AAGAB: variants seen among roughly 807,000 people sequenced by gnomAD.
AAGAB encodes alpha and gamma adaptin binding protein, also known as alpha- and gamma-adaptin-binding protein p34.
A neutral mutation model predicts 44.1 loss-of-function variants in AAGAB; 38 were observed. The observed-to-expected ratio is 0.86, with a 90% confidence interval of 0.67 to 1.13. The LOEUF is 1.13. Ranked by LOEUF, AAGAB falls within the 50% of genes most tolerant of loss-of-function variation. The pLI, the probability that AAGAB is intolerant of heterozygous loss-of-function variation, is 0.00. For missense variants in AAGAB, 450 were observed against 373.8 expected, an observed-to-expected ratio of 1.20 and a Z score of -1.68; for synonymous variants, 131 against 131.8, an observed-to-expected ratio of 0.99 and a Z score of 0.04.
chr15:67,228,013 T>C (rs1029968793), intron 5 of AAGAB, among the ~76,000 whole-genome samples: 10 of 152,224 alleles, frequency 6.6e-5, no homozygotes, highest in Non-Finnish European at 8.8e-5. Flanking sequence ...ATGTACCTCC[T>C]TGCTTTGCAG....
chr15:67,241,606 G>A (rs1055025018), intron 1 of AAGAB, among the ~76,000 whole-genome samples: 1 of 151,882 alleles, frequency 6.6e-6, no homozygotes, highest in Non-Finnish European at 1.5e-5. Flanking sequence ...TTGCATGCTG[G>A]CTCTCTGCAA....
chr15:67,254,509 C>T, intron 1 of AAGAB, 50 bp downstream of exon 1: 1 of 1,547,984 alleles, frequency 6.5e-7, no homozygotes. Context: ...GTCCGTCGCC[C>T]GCTGAGGCTC....
intron 5 of AAGAB, among the ~76,000 whole-genome samples, chr15:67,230,201 CTTG>C (rs948092936): frequency 2.0e-5 from 3 of 152,076 alleles, no homozygotes; most frequent in African/African-American, 7.2e-5. Flanking sequence ...ACTCAGCATA[CTTG>C]TTGAGGCAGC....
chr15:67,211,658 T>C (rs1763936703), intron 5 of AAGAB, among the ~76,000 whole-genome samples: 1 of 152,216 alleles, frequency 6.6e-6, no homozygotes, highest in South Asian at 2.1e-4. Flanking sequence ...AATAAACTAC[T>C]TCTGCAAGAG....
At chr15:67,253,512 G>C (rs755565929) in intron 1 of AAGAB, among the ~76,000 whole-genome samples, 1 of 151,974 alleles carries the variant, frequency 6.6e-6, no homozygotes, top group Non-Finnish European at 1.5e-5. Context: ...TCAGCACTTA[G>C]GGCGGCCAAG....
At chr15:67,254,279 G>T in intron 1 of AAGAB, 2 of 686,178 alleles carry the variant, frequency 2.9e-6, no homozygotes, top group Non-Finnish European at 4.2e-6. Flanking sequence ...TCATCTCAAC[G>T]GATCCTCGCA....
chr15:67,238,663 A>G (rs1462206747), intron 1 of AAGAB, among the ~76,000 whole-genome samples: 1 of 152,194 alleles, frequency 6.6e-6, no homozygotes, highest in East Asian at 1.9e-4. Context: ...TAACTTTTTA[A>G]TGGTGAAAGG....
chr15:67,202,992 T>C, intron 9 of AAGAB, 94 bp from the exon 10 acceptor site: 1 of 1,198,770 alleles, frequency 8.3e-7, no homozygotes, highest in Non-Finnish European at 1.2e-6. Flanking sequence ...CCTAAAATTC[T>C]GCACTTTGCC....
intron 5 of AAGAB, among the ~76,000 whole-genome samples, chr15:67,223,224 T>C (rs1473688434): frequency 6.6e-6 from 1 of 152,156 alleles, no homozygotes; most frequent in Non-Finnish European, 1.5e-5. Flanking sequence ...GGCTCAAGGT[T>C]TTAAATGCCT....
intron 1 of AAGAB, 140 bp downstream of exon 1, chr15:67,254,419 G>A (rs1965012280): frequency 6.9e-7 from 1 of 1,440,658 alleles, no homozygotes; most frequent in Non-Finnish European, 9.1e-7. Flanking sequence ...GCCACCTGGG[G>A]AGACTGGGCG....
rs368197105 is a variant in AAGAB at position 67,254,591 on chromosome 15, G to A, written c.41C>T (p.Ser14Phe). The A allele has an allele frequency of 4.3e-6, 7 of 1,609,668 alleles. No individual in the cohort carries two copies. In the East Asian group the frequency reaches 6.7e-5, roughly 15 times the overall value. Residue 14 changes from serine (S) to phenylalanine (F), a missense_variant, in exon 1 of 10, where the codon TCC (serine) becomes TTC (phenylalanine). Transcript: ENST00000261880. ...GVPCALVTSC[S>F]SVFSGDQLVQ... ...CAGCTGGTCTCCTGAGAAGACGGAGGAGCAGCTGGTGACTAACGCACAGGG... is the reference window on the plus strand; with the variant it reads ...CAGCTGGTCTCCTGAGAAGACGGAGAAGCAGCTGGTGACTAACGCACAGGG...
intron 5 of AAGAB, among the ~76,000 whole-genome samples, chr15:67,218,916 A>G (rs1221810074): frequency 6.6e-6 from 1 of 152,236 alleles, no homozygotes; most frequent in African/African-American, 2.4e-5. Context: ...AAAAGACGGT[A>G]TAGACAAGGA....
At chr15:67,228,420 C>T (rs116904239) in intron 5 of AAGAB, among the ~76,000 whole-genome samples, 75 of 152,222 alleles carry the variant, frequency 4.9e-4, no homozygotes, top group Middle Eastern at 3.4e-3. Context: ...AGAGAGATAA[C>T]CACATAAATG....
At chr15:67,225,500 A>G (rs1964182885) in intron 5 of AAGAB, among the ~76,000 whole-genome samples, 1 of 152,170 alleles carries the variant, frequency 6.6e-6, no homozygotes, top group African/African-American at 2.4e-5. Context: ...CATCATCACC[A>G]TTTAATTCCA....
intron 5 of AAGAB, among the ~76,000 whole-genome samples, chr15:67,219,761 T>G (rs1395247724): frequency 6.6e-6 from 1 of 152,204 alleles, no homozygotes; most frequent in Non-Finnish European, 1.5e-5. Context: ...ATAAAAATTT[T>G]TTTAAATGCA....
At chr15:67,246,598 G>A (rs575306419) in intron 1 of AAGAB, among the ~76,000 whole-genome samples, 1 of 152,116 alleles carries the variant, frequency 6.6e-6, no homozygotes, top group Non-Finnish European at 1.5e-5. Flanking sequence ...TTCCTGGGTC[G>A]AGTGGGGACT....
chr15:67,200,819 A>G lies in AAGAB; in HGVS notation c.*2002T>C, dbSNP rs1183731673. The stretch of plus-strand genomic sequence containing the variant: ...AGATTTCACTAGAGACCTTCATCCC[A>G]TATGTCCCTAGAAGAGGCCAATATC... On this transcript the variant is annotated 3_prime_UTR_variant, in exon 10 of 10. Transcript: ENST00000261880. Among the ~76,000 whole-genome samples the G allele has an allele frequency of 1.3e-5, 2 of 152,218 alleles. No individual in the cohort carries two copies. Among genetic ancestry groups the G allele is most frequent in the East Asian group, 1.9e-4 (1 of 5,204 alleles).
chr15:67,202,715 C>T lies in AAGAB; in HGVS notation c.*106G>A. On this transcript the variant is annotated 3_prime_UTR_variant, in exon 10 of 10. Coordinates refer to ENST00000261880, the MANE Select transcript of AAGAB (RefSeq NM_024666.5). ...AAGGGGACCCTATAAACAAGTCAGG[C>T]AGCCAACATGATAAGGGCAATTTTG... The T allele has an allele frequency of 9.9e-7, 1 of 1,005,190 alleles. No individual in the cohort carries two copies. Among genetic ancestry groups the T allele is most frequent in the Non-Finnish European group, 1.6e-6 (1 of 638,392 alleles). 62.3% of individuals were successfully genotyped at this position (1,005,190 alleles called of 1,614,324 possible).
chr15:67,236,097 A>C (rs906531780), intron 3 of AAGAB, 29 bp from the exon 4 acceptor site: 1 of 1,500,102 alleles, frequency 6.7e-7, no homozygotes, highest in African/African-American at 1.4e-5. Context: ...GAATCTTCAT[A>C]AGTAAAAAGA....
Sources: gnomAD v4.1 joint callset for allele counts (sites outside exome capture counted in the v4.1 genomes callset) on GRCh38, gnomAD v4.1.1 for gene constraint, MANE v1.5 for transcripts, NCBI Gene and HGNC (gene_info 2026-07-23, HGNC 2026-07-21) for gene names.